Variants in PLCB4 observed in about 807,000 individuals in gnomAD.
PLCB4 encodes 1-phosphatidylinositol 4,5-bisphosphate phosphodiesterase beta-4.
A neutral mutation model predicts 178.8 loss-of-function variants in PLCB4; 77 were observed. That is an observed-to-expected ratio of 0.43 (90% CI 0.36 to 0.52). PLCB4 has a LOEUF of 0.52. Ranked by LOEUF, PLCB4 falls within the 20% of genes least tolerant of loss-of-function variation. The pLI, the probability that PLCB4 is intolerant of heterozygous loss-of-function variation, is 0.00. For missense variants in PLCB4, 1,024 were observed against 1,453.4 expected (o/e 0.70, Z 4.80); for synonymous variants, 496 against 490.8 (o/e 1.01, Z -0.14).
At chr20:9,335,414 C>T (rs1003728373) in intron 4 of PLCB4, among the ~76,000 whole-genome samples, 23 of 152,124 alleles carry the variant, frequency 1.5e-4, no homozygotes, top group African/African-American at 5.6e-4. Flanking sequence ...CTCTGCCTGG[C>T]ATGAAGATTC....
At chr20:9,304,450 A>G (rs1012832503) in intron 3 of PLCB4, among the ~76,000 whole-genome samples, 2 of 152,166 alleles carry the variant, frequency 1.3e-5, no homozygotes, top group African/African-American at 4.8e-5. Context: ...GGAAAGAAAA[A>G]AAAATGTATT....
chr20:9,468,122 C>T (rs2043922739), intron 35 of PLCB4, among the ~76,000 whole-genome samples: 2 of 152,098 alleles, frequency 1.3e-5, no homozygotes, highest in African/African-American at 2.4e-5. Flanking sequence ...TGAAGCAAAA[C>T]TGAGATCTTT....
At chr20:9,435,703 A>ACTC in intron 29 of PLCB4, 55 bp downstream of exon 29, 6 of 992,334 alleles carry the variant, frequency 6.0e-6, no homozygotes, top group African/African-American at 1.6e-5. Context: ...TGATTATCAA[A>ACTC]CAGTGTTTAC....
chr20:9,328,187 G>A (rs1487654677), intron 4 of PLCB4, among the ~76,000 whole-genome samples: 1 of 152,208 alleles, frequency 6.6e-6, no homozygotes, highest in Non-Finnish European at 1.5e-5. Flanking sequence ...CAGCGAAAAT[G>A]ATCTGTAAAG....
intron 4 of PLCB4, among the ~76,000 whole-genome samples, chr20:9,309,059 A>T (rs951994035): frequency 6.6e-6 from 1 of 151,952 alleles, no homozygotes; most frequent in East Asian, 1.9e-4. Flanking sequence ...TAATATTTTT[A>T]AAATATAAAG....
chr20:9,282,625 C>T (rs368692884), intron 3 of PLCB4, among the ~76,000 whole-genome samples: 46 of 152,100 alleles, frequency 3.0e-4, no homozygotes, highest in East Asian at 1.4e-3. Flanking sequence ...ATCTGTCATC[C>T]GATTCAGCCT....
chr20:9,395,249 A>G (rs2038478919), intron 18 of PLCB4, among the ~76,000 whole-genome samples: 2 of 152,052 alleles, frequency 1.3e-5, no homozygotes, highest in South Asian at 4.1e-4. Context: ...CTCCTCTCAA[A>G]CTTGGTGACC....
intron 35 of PLCB4, 30 bp from the exon 36 acceptor site, chr20:9,468,541 C>A (rs1228604275): frequency 9.1e-6 from 12 of 1,320,016 alleles, no homozygotes; most frequent in Admixed American, 5.0e-5. Context: ...ATCCCCCCTC[C>A]CTGTTTGTTT....
At chr20:9,314,376 C>T (rs911061739) in intron 4 of PLCB4, among the ~76,000 whole-genome samples, 1 of 152,034 alleles carries the variant, frequency 6.6e-6, no homozygotes, top group Non-Finnish European at 1.5e-5. Flanking sequence ...GTCAGTCACA[C>T]ATATGGAGAA....
chr20:9,147,415 C>T (rs915013720), intron 2 of PLCB4, among the ~76,000 whole-genome samples: 7 of 152,098 alleles, frequency 4.6e-5, no homozygotes, highest in Non-Finnish European at 8.8e-5. Context: ...CACAAAACTG[C>T]AGTGGAATAG....
At chr20:9,078,243 A>T (rs2089970955) in intron 1 of PLCB4, among the ~76,000 whole-genome samples, 1 of 152,034 alleles carries the variant, frequency 6.6e-6, no homozygotes, top group African/African-American at 2.4e-5. Flanking sequence ...AGCCTTCCAA[A>T]GTGTTGGGAT....
intron 3 of PLCB4, among the ~76,000 whole-genome samples, chr20:9,235,321 A>G (rs1346589947): frequency 6.6e-6 from 1 of 152,198 alleles, no homozygotes; most frequent in African/African-American, 2.4e-5. Flanking sequence ...CTGAAGTTGA[A>G]TGGACAAATA....
At chr20:9,308,498 A>G (rs1214152714) in intron 4 of PLCB4, among the ~76,000 whole-genome samples, 1 of 152,130 alleles carries the variant, frequency 6.6e-6, no homozygotes, top group African/African-American at 2.4e-5. Flanking sequence ...TAAATGCATG[A>G]TTTTTCTTCT....
chr20:9,329,930 G>A (rs903540235), intron 4 of PLCB4, among the ~76,000 whole-genome samples: 5 of 152,126 alleles, frequency 3.3e-5, no homozygotes, highest in South Asian at 2.1e-4. Context: ...AAGGACCCAT[G>A]CCCATCTATT....
intron 2 of PLCB4, among the ~76,000 whole-genome samples, chr20:9,106,516 A>G (rs1303774269): frequency 2.0e-5 from 3 of 151,836 alleles, no homozygotes; most frequent in African/African-American, 7.3e-5. Context: ...TATTCGGAAT[A>G]AAATATCAAA....
intron 3 of PLCB4, among the ~76,000 whole-genome samples, chr20:9,263,513 TAG>T (rs1358288697): frequency 6.6e-5 from 10 of 152,152 alleles, no homozygotes; most frequent in Admixed American, 6.6e-4. Flanking sequence ...CCTATTGTGT[TAG>T]AGTCGCGTGG....
intron 3 of PLCB4, among the ~76,000 whole-genome samples, chr20:9,304,110 AT>A (rs11481119): frequency 0.035 from 5,001 of 142,596 alleles, 277 homozygotes; most frequent in African/African-American, 0.12. Context: ...TTGTTTTACT[AT>A]TTTTTTTTTT....
At chr20:9,184,901 A>G (rs80340221) in intron 2 of PLCB4, among the ~76,000 whole-genome samples, 4,520 of 152,276 alleles carry the variant, frequency 0.03, 96 homozygotes, top group African/African-American at 0.046. Context: ...CTGCCCATGA[A>G]TAGTTTACTA....
At position 9,277,792 on chromosome 20, in the gene PLCB4, T is replaced by C. The variant is rs146684149; in HGVS notation, c.-15-30008T>C. On this transcript the variant is annotated intron_variant, in intron 3 of 39. Transcript: ENST00000378473. ...AGACAGCTTTCCTATCTAGGAGGAA[T>C]TCAGCCTGAAGCCCACAGCTCAAGG... 7.9e-3 allele frequency among the ~76,000 whole-genome samples: 1,206 copies of C among 151,986 alleles called. 18 individuals are homozygous for C. The highest frequency in any genetic ancestry group is 0.028 in the African/African-American group (1,160 of 41,504).
Sources: allele counts gnomAD v4.1 joint callset (sites outside exome capture counted in the v4.1 genomes callset), GRCh38; gene constraint gnomAD v4.1.1; transcripts MANE v1.5; gene names NCBI Gene and HGNC (gene_info 2026-07-23, HGNC 2026-07-21).